CYLD: variants seen among roughly 807,000 people sequenced by gnomAD.
CYLD encodes ubiquitin carboxyl-terminal hydrolase CYLD.
In CYLD, 26 loss-of-function variants were observed where a neutral mutation model predicts 104.5. That is an observed-to-expected ratio of 0.25 (90% CI 0.18 to 0.35). The LOEUF (loss-of-function observed/expected upper bound fraction) is 0.35. Among genes scored for constraint, CYLD ranks in the 10% least tolerant of loss-of-function variants. CYLD has a pLI of 1.00. For missense variants in CYLD, 703 were observed against 1,136.1 expected (o/e 0.62, Z 5.48); for synonymous variants, 385 against 399.9 (o/e 0.96, Z 0.45).
rs1032587062 is a variant in CYLD at position 50,798,417 on chromosome 16, A to G, written c.*1909A>G. 4.3e-6 allele frequency: 1 copy of G among 232,154 alleles called. No homozygotes were observed. Among genetic ancestry groups the G allele is most frequent in the Non-Finnish European group, 8.5e-6 (1 of 117,402 alleles). 14.4% of individuals were successfully genotyped at this position (232,154 alleles called of 1,614,324 possible). On this transcript the variant is annotated 3_prime_UTR_variant, in exon 19 of 19. Coordinates refer to ENST00000427738, the MANE Select transcript of CYLD (RefSeq NM_001378743.1). ...AACTCTTTATGTAGCATTTACATTTATTAGGTATTATAAGTAATCTAGAGA... is the reference window on the plus strand; with the variant it reads ...AACTCTTTATGTAGCATTTACATTTGTTAGGTATTATAAGTAATCTAGAGA...
intron 5 of CYLD, among the ~76,000 whole-genome samples, chr16:50,761,774 CTATA>C (rs1304864069): frequency 2.0e-5 from 3 of 152,066 alleles, no homozygotes; most frequent in Admixed American, 2.0e-4. Flanking sequence ...ATCTATCTAT[CTATA>C]TCTTTGACCC....
rs756031443 is a variant in CYLD, at chr16:50,796,481, G to C, written c.2844G>C (p.Gln948His). The change falls in exon 19 of 19, where the codon CAG (glutamine) becomes CAC (histidine). Residue 948 changes from glutamine (Q) to histidine (H), a missense_variant. Physicochemically the swap from Gln to His is conservative, Grantham distance 24. This residue lies in a region of CYLD where 130 missense variants were observed against 220.2 expected (regional missense o/e 0.59). Coordinates refer to ENST00000427738, the MANE Select transcript of CYLD (RefSeq NM_001378743.1). The stretch of plus-strand genomic sequence containing the variant: ...GTGATGCATATATGTGCATGTACCA[G>C]AGTCCAACAATGAGTTTGTACAAAT... ...LLCDAYMCMY[Q>H]SPTMSLYK 1 of 1,613,708 alleles carries C rather than the reference G, an allele frequency of 6.2e-7. No homozygotes were observed. Among genetic ancestry groups the C allele is most frequent in the Non-Finnish European group, 8.5e-7 (1 of 1,180,010 alleles).
chr16:50,768,970 C>G (rs1038534976), intron 5 of CYLD, among the ~76,000 whole-genome samples: 33 of 152,188 alleles, frequency 2.2e-4, no homozygotes, highest in African/African-American at 8.0e-4. Context: ...TGGAATAACT[C>G]AGAATGCATT....
rs1597108728 is a variant in CYLD at position 50,801,102 on chromosome 16, C to T, written c.*4594C>T. The T allele has an allele frequency of 4.3e-6, 1 of 233,480 alleles. No homozygotes were observed. The highest frequency in any genetic ancestry group is 6.0e-5 in the East Asian group (1 of 16,734). 14.5% of individuals were successfully genotyped at this position (233,480 alleles called of 1,614,324 possible). On this transcript the variant is annotated 3_prime_UTR_variant, in exon 19 of 19. Coordinates refer to ENST00000427738, the MANE Select transcript of CYLD (RefSeq NM_001378743.1). ...CTTCTCCGTTCCCCTTCAGACCTTT[C>T]TGGGGAGAAGAGGTGGGAGGAGGGG...
chr16:50,765,325 T>G (rs1262721607), intron 5 of CYLD, among the ~76,000 whole-genome samples: 1 of 152,104 alleles, frequency 6.6e-6, no homozygotes, highest in Non-Finnish European at 1.5e-5. Flanking sequence ...ATCTTTGAGG[T>G]GACTATTGAA....
At chr16:50,791,782 TGAGAA>T in intron 15 of CYLD, 92 bp downstream of exon 15, 1 of 1,418,564 alleles carries the variant, frequency 7.0e-7, no homozygotes, top group South Asian at 1.2e-5. Context: ...TTTAACTAGC[TGAGAA>T]AAGTTTGAAA....
intron 5 of CYLD, among the ~76,000 whole-genome samples, chr16:50,759,719 C>T (rs117441189): frequency 0.021 from 3,135 of 152,256 alleles, 36 homozygotes; most frequent in Middle Eastern, 0.041. Flanking sequence ...TAGGTTGTTT[C>T]CACCTCCTTT....
chr16:50,754,082 CTA>C, intron 4 of CYLD, among the ~76,000 whole-genome samples: 1 of 152,194 alleles, frequency 6.6e-6, no homozygotes, highest in East Asian at 1.9e-4. Context: ...TGGGGGTTTA[CTA>C]TCACTTGGTT....
At chr16:50,766,366 G>A (rs1026134066) in intron 5 of CYLD, among the ~76,000 whole-genome samples, 1 of 152,176 alleles carries the variant, frequency 6.6e-6, no homozygotes, top group African/African-American at 2.4e-5. Flanking sequence ...TCAGAAAAAG[G>A]ATTCCTTTCA....
At chr16:50,761,137 C>T (rs1967875709) in intron 5 of CYLD, among the ~76,000 whole-genome samples, 1 of 152,088 alleles carries the variant, frequency 6.6e-6, no homozygotes, top group Non-Finnish European at 1.5e-5. Context: ...AGGTTATTGG[C>T]CTTTTTTCTC....
At position 50,793,529 on chromosome 16, in the gene CYLD, C is replaced by T. The variant is rs772778655; in HGVS notation, c.2351-17C>T. ...TTTAAAGTCCTCTTAACTTCCCTTC[C>T]CCTTCTCACATTTCAGCTCCCAGAC... is the stretch of plus-strand genomic sequence containing the variant. On this transcript the variant is annotated splice_polypyrimidine_tract_variant and intron_variant, in intron 16 of 18. Transcript: ENST00000427738. 21 of 1,518,160 alleles carry T rather than the reference C, an allele frequency of 1.4e-5. No individual in the cohort carries two copies. Among genetic ancestry groups the T allele is most frequent in the Non-Finnish European group, 1.7e-5 (19 of 1,092,638 alleles). 94.0% of individuals were successfully genotyped at this position (1,518,160 alleles called of 1,614,324 possible). A position where few individuals can be genotyped will look rare whatever the true frequency, so the allele number is the denominator to read the frequency against.
intron 5 of CYLD, among the ~76,000 whole-genome samples, chr16:50,771,181 T>C (rs1305634329): frequency 2.0e-5 from 3 of 148,966 alleles, no homozygotes; most frequent in Non-Finnish European, 3.0e-5. Context: ...TCTCTTACCC[T>C]GAGACCCTGA....
At chr16:50,793,511 T>A (rs749748636) in intron 16 of CYLD, 35 bp from the exon 17 acceptor site, 1 of 1,369,682 alleles carries the variant, frequency 7.3e-7, no homozygotes, top group South Asian at 1.2e-5. Context: ...TTTTTTAAAG[T>A]CCTCTTAACT....
At chr16:50,779,452 T>C (rs1029211773) in intron 8 of CYLD, among the ~76,000 whole-genome samples, 1 of 152,028 alleles carries the variant, frequency 6.6e-6, no homozygotes, top group African/African-American at 2.4e-5. Flanking sequence ...GTTTGAACAG[T>C]TGGGTGCCAT....
At chr16:50,790,633 T>G (rs1971338895) in intron 14 of CYLD, among the ~76,000 whole-genome samples, 1 of 152,170 alleles carries the variant, frequency 6.6e-6, no homozygotes, top group African/African-American at 2.4e-5. Flanking sequence ...TTGTTATCAA[T>G]TAAATTTTGT....
intron 5 of CYLD, among the ~76,000 whole-genome samples, chr16:50,773,838 T>A (rs1161946652): frequency 1.3e-5 from 2 of 152,202 alleles, no homozygotes; most frequent in Non-Finnish European, 2.9e-5. Context: ...TGTGCCCCTT[T>A]GTCTGTATAG....
rs888172609 is a variant in CYLD, at chr16:50,801,568, G to T, written c.*5060G>T. Reference sequence around the variant, plus strand: ...GTTTATAAAATGGCCTAGTACTGTGGAATTTTAATTTTAGAAAGTCTTAGC... The same window carrying T: ...GTTTATAAAATGGCCTAGTACTGTGTAATTTTAATTTTAGAAAGTCTTAGC... On this transcript the variant is annotated 3_prime_UTR_variant, in exon 19 of 19. Coordinates refer to ENST00000427738, the MANE Select transcript of CYLD (RefSeq NM_001378743.1). 3.4e-5 allele frequency: 8 copies of T among 233,560 alleles called. No individual in the cohort carries two copies. The highest frequency in any genetic ancestry group is 5.1e-5 in the Non-Finnish European group (6 of 117,998). The allele number at this position is 233,560 out of a possible 1,614,324, so 14.5% of individuals were successfully genotyped here.
At chr16:50,791,793 T>G in intron 15 of CYLD, 103 bp downstream of exon 15, 1 of 1,318,338 alleles carries the variant, frequency 7.6e-7, no homozygotes, top group Non-Finnish European at 1.1e-6. Flanking sequence ...GAGAAAAGTT[T>G]GAAACACAAA....
Position 50,749,824 on chromosome 16 carries a change from G to T in CYLD, c.126G>T (p.Pro42=). The T allele has an allele frequency of 1.9e-6, 3 of 1,614,090 alleles. No individual in the cohort carries two copies. The highest frequency in any genetic ancestry group is 1.7e-6 in the Non-Finnish European group (2 of 1,180,022). Residue 42 remains proline, a synonymous_variant, in exon 3 of 19, where the codon CCG becomes CCT. Coordinates refer to ENST00000427738, the MANE Select transcript of CYLD (RefSeq NM_001378743.1). The stretch of plus-strand genomic sequence containing the variant: ...AAACACAAAAGCTCCTTAAAGTACC[G>T]AAGGGAAGTATAGGACAGTATATTC... ...DKQTQKLLKV[P]KGSIGQYIQD...
Sources: gnomAD v4.1 joint callset for allele counts (sites outside exome capture counted in the v4.1 genomes callset) on GRCh38, gnomAD v4.1.1 for gene constraint, gnomAD v4.1.1 regional missense constraint, MANE v1.5 for transcripts, NCBI Gene and HGNC (gene_info 2026-07-23, HGNC 2026-07-21) for gene names.